Variants in CATSPERT observed in about 807,000 individuals in gnomAD.
CATSPERT encodes catsper channel auxiliary subunit tau, also known as cation channel sperm-associated targeting subunit tau.
chr2:201,499,578 A>G, the CATSPERT span, among the ~76,000 whole-genome samples: 1 of 152,120 alleles, frequency 6.6e-6, no homozygotes, highest in Non-Finnish European at 1.5e-5. Context: ...TCACACCTGT[A>G]ATCCCAGCAC....
the CATSPERT span, among the ~76,000 whole-genome samples, chr2:201,613,518 A>C: frequency 6.6e-6 from 1 of 152,248 alleles, no homozygotes; most frequent in African/African-American, 2.4e-5. Flanking sequence ...ACTAACAAAC[A>C]GAAAGGACAT....
the CATSPERT span, chr2:201,554,933 T>G: frequency 6.6e-6 from 1 of 152,184 alleles, no homozygotes; most frequent in Non-Finnish European, 1.5e-5. Flanking sequence ...GTTACTGTGT[T>G]CAAACTCAGC....
chr2:201,565,329 TGTG>T, the CATSPERT span, among the ~76,000 whole-genome samples: 1 of 144,980 alleles, frequency 6.9e-6, no homozygotes, highest in East Asian at 2.0e-4. Context: ...ATTAGCCAGG[TGTG>T]GTGATGTGTG....
At chr2:201,557,570 C>T in the CATSPERT span, 1 of 152,172 alleles carries the variant, frequency 6.6e-6, no homozygotes, top group Non-Finnish European at 1.5e-5. Flanking sequence ...TTATGATTAC[C>T]ATCAACAATA....
the CATSPERT span, chr2:201,493,255 A>C: frequency 6.5e-7 from 1 of 1,536,528 alleles, no homozygotes; most frequent in Non-Finnish European, 8.7e-7. Context: ...TGGCAAATAC[A>C]GTTCTTTATT....
At chr2:201,503,585 A>G in the CATSPERT span, among the ~76,000 whole-genome samples, 1 of 152,148 alleles carries the variant, frequency 6.6e-6, no homozygotes, top group Non-Finnish European at 1.5e-5. Context: ...TTTTGTAGAC[A>G]CAGGGTCTTG....
chr2:201,546,544 A>G, the CATSPERT span, among the ~76,000 whole-genome samples: 3 of 152,226 alleles, frequency 2.0e-5, no homozygotes, highest in Non-Finnish European at 2.9e-5. Flanking sequence ...TGTTCACATC[A>G]TTAGTCATTA....
At chr2:201,566,011 T>C in the CATSPERT span, 1 of 702,968 alleles carries the variant, frequency 1.4e-6, no homozygotes, top group South Asian at 3.5e-5. Context: ...AGGCTAGAGC[T>C]AGGAAAAAAG....
chr2:201,552,000 T>C, the CATSPERT span, among the ~76,000 whole-genome samples: 189 of 152,246 alleles, frequency 1.2e-3, 1 homozygote, highest in African/African-American at 4.5e-3. Context: ...TCTTTTTTTT[T>C]TCTTTTTTGG....
the CATSPERT span, among the ~76,000 whole-genome samples, chr2:201,547,347 T>C: frequency 6.6e-6 from 1 of 152,104 alleles, no homozygotes; most frequent in Non-Finnish European, 1.5e-5. Flanking sequence ...AAATATTCAT[T>C]GAATGGCACA....
At chr2:201,615,429 A>C in the CATSPERT span, among the ~76,000 whole-genome samples, 124 of 152,338 alleles carry the variant, frequency 8.1e-4, 1 homozygote, top group Non-Finnish European at 5.9e-5. Flanking sequence ...ACTACATGGA[A>C]ACTGAACAAC....
At chr2:201,534,291 C>T in the CATSPERT span, 2 of 612,216 alleles carry the variant, frequency 3.3e-6, no homozygotes, top group Non-Finnish European at 4.1e-6. Flanking sequence ...AGAAGAACTG[C>T]CCAACAAGCA....
At chr2:201,547,663 T>C in the CATSPERT span, 5 of 899,056 alleles carry the variant, frequency 5.6e-6, no homozygotes, top group African/African-American at 6.8e-5. Context: ...GAAGAATACA[T>C]ATGGTATGAT....
chr2:201,609,458 C>G, the CATSPERT span, among the ~76,000 whole-genome samples: 9 of 152,148 alleles, frequency 5.9e-5, no homozygotes, highest in Non-Finnish European at 1.2e-4. Context: ...CAAGTCTTAC[C>G]AAATTTTAAA....
At chr2:201,548,550 T>C in the CATSPERT span, among the ~76,000 whole-genome samples, 2 of 152,016 alleles carry the variant, frequency 1.3e-5, no homozygotes, top group African/African-American at 4.8e-5. Context: ...TCAATACATA[T>C]ACAATATCTT....
the CATSPERT span, among the ~76,000 whole-genome samples, chr2:201,488,660 T>C: frequency 1.3e-5 from 2 of 152,106 alleles, no homozygotes; most frequent in Non-Finnish European, 2.9e-5. Flanking sequence ...CATAATACTT[T>C]GCAAAGATAG....
chr2:201,586,730 G>A, the CATSPERT span, among the ~76,000 whole-genome samples: 200 of 135,022 alleles, frequency 1.5e-3, no homozygotes, highest in African/African-American at 5.0e-3. Context: ...TCCAAATTTT[G>A]CATAATTTTC....
At chr2:201,503,909 C>T in the CATSPERT span, among the ~76,000 whole-genome samples, 1 of 152,146 alleles carries the variant, frequency 6.6e-6, no homozygotes, top group South Asian at 2.1e-4. Flanking sequence ...GATTTAGCCT[C>T]TCTACAAAGG....
At chr2:201,508,949 G>A in the CATSPERT span, among the ~76,000 whole-genome samples, 1 of 151,520 alleles carries the variant, frequency 6.6e-6, no homozygotes, top group East Asian at 1.9e-4. Flanking sequence ...ACATGGGTGT[G>A]CGAAATTTCT....
Sources: gnomAD v4.1 joint callset for allele counts (sites outside exome capture counted in the v4.1 genomes callset) on GRCh38, gnomAD v4.1.1 for gene constraint, MANE v1.5 for transcripts, NCBI Gene and HGNC (gene_info 2026-07-23, HGNC 2026-07-21) for gene names.